Variants in TRDN observed in about 807,000 individuals in gnomAD.
The protein encoded by TRDN is triadin in skeletal muscle.
TRDN carries 161 observed loss-of-function variants against 149.7 expected under a neutral mutation model. The ratio of observed to expected loss-of-function variants is 1.08; its 90% CI spans 0.95 to 1.23. TRDN has a LOEUF of 1.23. Among genes scored for constraint, TRDN ranks in the 50% most tolerant of loss-of-function variants. The pLI is 0.00. For missense variants in TRDN, 896 were observed against 823.5 expected (o/e 1.09, Z -1.08); for synonymous variants, 294 against 250.5 (o/e 1.17, Z -1.64).
rs1388830882 is a variant in TRDN, at chr6:123,271,148, C to T, written c.1711G>A (p.Glu571Lys). Residue 571 changes from glutamate (E) to lysine (K), a missense_variant, in exon 30 of 41, where the codon GAA becomes AAA. Glu to Lys is a moderately conservative substitution (Grantham distance 56, BLOSUM62 1). Transcript: ENST00000334268. ...VLKQVKAVTI[E>K]KTAKPKPTKK... The stretch of plus-strand genomic sequence containing the variant: ...AAAATACCTTATTTACCTGTTTTTT[C>T]TATTGTGACAGCTTTTACCTGCTTG... The T allele has an allele frequency of 8.5e-6, 13 of 1,532,450 alleles. No individual in the cohort carries two copies. The highest frequency in any genetic ancestry group is 4.2e-5 in the Admixed American group (2 of 47,690). 94.9% of individuals were successfully genotyped at this position (1,532,450 alleles called of 1,614,324 possible).
chr6:123,254,905 T>G (rs1776500343), intron 37 of TRDN, 176 bp downstream of exon 37: 1 of 540,012 alleles, frequency 1.9e-6, no homozygotes, highest in African/African-American at 1.9e-5. Flanking sequence ...TTTTCTTATT[T>G]TCTATTGAAA....
chr6:123,625,098 C>G (rs1407225), intron 1 of TRDN, among the ~76,000 whole-genome samples: 40,537 of 149,380 alleles, frequency 0.27, 5,667 homozygotes, highest in East Asian at 0.44. Context: ...CTGCATTGAT[C>G]AAATGTACTC....
At chr6:123,227,204 CAAGTGTTCTA>C (rs1775409329) in intron 38 of TRDN, among the ~76,000 whole-genome samples, 1 of 151,734 alleles carries the variant, frequency 6.6e-6, no homozygotes, top group Non-Finnish European at 1.5e-5. Context: ...TGCAATTTGG[CAAGTGTTCTA>C]ATAGCACAGA....
rs537998327 is a variant in TRDN, at chr6:123,331,997, G to GTCAGTAAGCTGAAAGTA, written c.1421-85_1421-69dup. The GTCAGTAAGCTGAAAGTA allele has an allele frequency of 6.0e-5, 73 of 1,221,826 alleles. No individual in the cohort carries two copies. The African/African-American group carries it at 9.7e-4, about 16-fold the overall frequency. The allele number at this position is 1,221,826 out of a possible 1,614,324, so 75.7% of individuals were successfully genotyped here. ...AGATTTTCAGATACCTATAAATGAAGTCAGTAAGCTGAAAGTATCAGTAAG... is the reference window on the plus strand; with the variant it reads ...AGATTTTCAGATACCTATAAATGAAGTCAGTAAGCTGAAAGTATCAGTAAGCTGAAAGTATCAGTAAG... On this transcript the variant is annotated intron_variant, in intron 22 of 40. Coordinates refer to ENST00000334268, the MANE Select transcript of TRDN (RefSeq NM_006073.4).
At chr6:123,400,038 C>T in intron 12 of TRDN, among the ~76,000 whole-genome samples, 1 of 151,394 alleles carries the variant, frequency 6.6e-6, no homozygotes, top group Non-Finnish European at 1.5e-5. Flanking sequence ...ATTGCATTCT[C>T]CATATGAGTG....
intron 6 of TRDN, 139 bp downstream of exon 6, chr6:123,516,002 T>C (rs1165725654): frequency 2.0e-6 from 2 of 999,864 alleles, no homozygotes; most frequent in Non-Finnish European, 2.6e-6. Context: ...AGAAATTCCT[T>C]TTTTCAGATT....
chr6:123,427,786 A>T (rs1190657749), intron 12 of TRDN, among the ~76,000 whole-genome samples: 2 of 152,260 alleles, frequency 1.3e-5, no homozygotes, highest in South Asian at 2.1e-4. Flanking sequence ...AAATATCTTT[A>T]TTAAAATTAA....
intron 1 of TRDN, 87 bp from the exon 2 acceptor site, chr6:123,571,219 A>G: frequency 2.2e-6 from 3 of 1,356,166 alleles, no homozygotes; most frequent in Non-Finnish European, 3.1e-6. Flanking sequence ...TGAGTGCTGA[A>G]CCTGTTTATA....
chr6:123,342,735 A>G (rs1033371145), intron 21 of TRDN, among the ~76,000 whole-genome samples: 5 of 151,950 alleles, frequency 3.3e-5, no homozygotes, highest in African/African-American at 1.2e-4. Context: ...TCTACACTAT[A>G]CCTCTGGGAG....
rs1417818224 is a variant in TRDN at position 123,301,772 on chromosome 6, T to TATATATATATATACAC, written c.1510+14684_1510+14685insGTGTATATATATATAT. 1.1e-3 allele frequency among the ~76,000 whole-genome samples: 134 copies of TATATATATATATACAC among 124,784 alleles called. 1 individual carries two copies. Among genetic ancestry groups the TATATATATATATACAC allele is most frequent in the Non-Finnish European group, 1.4e-3 (83 of 58,306 alleles). 81.9% of individuals were successfully genotyped at this position (124,784 alleles called of 152,430 possible). A position where few individuals can be genotyped will look rare whatever the true frequency, so the allele number is the denominator to read the frequency against. Reference sequence around the variant, plus strand: ...ATATACATATATATATATATATACATATATATATATATATACATAAATGAA... The same window carrying TATATATATATATACAC: ...ATATACATATATATATATATATACATATATATATATATACACATATATATATATATACATAAATGAA... On this transcript the variant is annotated intron_variant, in intron 24 of 40. Transcript: ENST00000334268.
intron 10 of TRDN, among the ~76,000 whole-genome samples, chr6:123,457,322 A>G (rs956689196): frequency 6.6e-6 from 1 of 152,218 alleles, no homozygotes; most frequent in East Asian, 1.9e-4. Flanking sequence ...AGATGCCCCT[A>G]TCTATCTTGG....
At chr6:123,478,070 AG>A (rs1777581822) in intron 9 of TRDN, among the ~76,000 whole-genome samples, 1 of 143,058 alleles carries the variant, frequency 7.0e-6, no homozygotes, top group South Asian at 2.6e-4. Flanking sequence ...ATAAAAAAAA[AG>A]AAAAATGTTC....
chr6:123,581,747 G>T (rs1783132177), intron 1 of TRDN, among the ~76,000 whole-genome samples: 1 of 152,148 alleles, frequency 6.6e-6, no homozygotes, highest in South Asian at 2.1e-4. Context: ...CTACAACAGT[G>T]GAGGAAAGAC....
chr6:123,446,380 G>A (rs1775357606), intron 10 of TRDN, among the ~76,000 whole-genome samples: 1 of 151,698 alleles, frequency 6.6e-6, no homozygotes, highest in Non-Finnish European at 1.5e-5. Flanking sequence ...AAAACTTAAA[G>A]TATAATAATA....
intron 7 of TRDN, among the ~76,000 whole-genome samples, chr6:123,508,420 G>A (rs1486715923): frequency 6.6e-6 from 1 of 152,102 alleles, no homozygotes; most frequent in African/African-American, 2.4e-5. Context: ...ATGTGAAAGC[G>A]ATAAAATGTC....
At chr6:123,631,859 G>T (rs1410056220) in intron 1 of TRDN, among the ~76,000 whole-genome samples, 1 of 151,830 alleles carries the variant, frequency 6.6e-6, no homozygotes, top group East Asian at 1.9e-4. Context: ...TTCTTCTTGG[G>T]CATATTATTT....
At chr6:123,590,993 A>C (rs1050455711) in intron 1 of TRDN, among the ~76,000 whole-genome samples, 1 of 152,170 alleles carries the variant, frequency 6.6e-6, no homozygotes, top group African/African-American at 2.4e-5. Flanking sequence ...GATATAAAAA[A>C]TTATAATAAA....
At chr6:123,500,053 G>C (rs941510897) in intron 8 of TRDN, among the ~76,000 whole-genome samples, 3 of 151,776 alleles carry the variant, frequency 2.0e-5, no homozygotes, top group Non-Finnish European at 4.4e-5. Flanking sequence ...ATATTTCCTA[G>C]ATCCAAAAAT....
At chr6:123,439,434 T>C (rs1562313625) in intron 10 of TRDN, among the ~76,000 whole-genome samples, 2 of 152,220 alleles carry the variant, frequency 1.3e-5, no homozygotes, top group African/African-American at 4.8e-5. Context: ...AGAAATAATA[T>C]ATTAGACCAT....
Sources: gnomAD v4.1 joint callset for allele counts (sites outside exome capture counted in the v4.1 genomes callset) on GRCh38, gnomAD v4.1.1 for gene constraint, MANE v1.5 for transcripts, NCBI Gene and HGNC (gene_info 2026-07-23, HGNC 2026-07-21) for gene names.